CNTN4: variants seen among roughly 807,000 people sequenced by gnomAD.
CNTN4 encodes contactin-4.
CNTN4 carries 77 observed loss-of-function variants against 122.5 expected under a neutral mutation model. That is an observed-to-expected ratio of 0.63 (90% CI 0.52 to 0.76). The LOEUF (loss-of-function observed/expected upper bound fraction) is 0.76, where lower values mean the gene tolerates loss of function less well. CNTN4 is among the 30% of genes least tolerant of loss of function. The pLI is 0.00. For missense variants in CNTN4, 1,256 were observed against 1,259.1 expected (o/e 1.00, Z 0.04); for synonymous variants, 512 against 447.0 (o/e 1.15, Z -1.83).
At chr3:2,548,070 A>G (rs930912399) in intron 3 of CNTN4, among the ~76,000 whole-genome samples, 1 of 152,154 alleles carries the variant, frequency 6.6e-6, no homozygotes, top group South Asian at 2.1e-4. Context: ...CAGATAGATT[A>G]TTAGCCCTTT....
In CNTN4 at chr3:2,777,934, G is replaced by T. The variant is rs558186381; in HGVS notation, c.358+32237G>T. The stretch of plus-strand genomic sequence containing the variant: ...CCTTCCTAAATTTTAAGAAATAACT[G>T]CTGGGTGCGGTGGCTCATGCCTGTA... On this transcript the variant is annotated intron_variant, in intron 6 of 24. Transcript: ENST00000418658. Among the ~76,000 whole-genome samples, 5 of 152,094 alleles carry T rather than the reference G, an allele frequency of 3.3e-5. No individual in the cohort carries two copies. In the South Asian group the frequency reaches 1.0e-3, roughly 32 times the overall value.
intron 23 of CNTN4, among the ~76,000 whole-genome samples, chr3:3,047,930 AAATGATC>A (rs1700842224): frequency 6.6e-6 from 1 of 152,184 alleles, no homozygotes; most frequent in Admixed American, 6.5e-5. Flanking sequence ...ATGCAATAAA[AAATGATC>A]AAGGGGATAT....
chr3:2,274,711 AG>A (rs1162446498), intron 2 of CNTN4, among the ~76,000 whole-genome samples: 1 of 152,126 alleles, frequency 6.6e-6, no homozygotes, highest in African/African-American at 2.4e-5. Flanking sequence ...GAGAAATTTG[AG>A]GAGGGAGGAG....
At chr3:2,623,035 A>G (rs2082048253) in intron 4 of CNTN4, among the ~76,000 whole-genome samples, 1 of 152,242 alleles carries the variant, frequency 6.6e-6, no homozygotes, top group South Asian at 2.1e-4. Context: ...AAAGGGTGAC[A>G]TCAGAAATCC....
In CNTN4 at chr3:2,120,396, T is replaced by A. The variant is rs1050993720; in HGVS notation, c.-145+19757T>A. 2.0e-3 allele frequency among the ~76,000 whole-genome samples: 62 copies of A among 30,918 alleles called. 1 individual carries two copies. The East Asian group carries it at 0.034, about 17-fold the overall frequency. 20.3% of individuals were successfully genotyped at this position (30,918 alleles called of 152,430 possible). A position where few individuals can be genotyped will look rare whatever the true frequency, so the allele number is the denominator to read the frequency against. ...ATAAATATATATATATATATATATA[T>A]ATATATATATTTTTTTTTTTTTTTT... On this transcript the variant is annotated intron_variant, in intron 2 of 24. Coordinates refer to ENST00000418658, the MANE Select transcript of CNTN4 (RefSeq NM_175607.3).
chr3:2,485,054 C>G (rs1174194804), intron 3 of CNTN4, among the ~76,000 whole-genome samples: 5 of 152,208 alleles, frequency 3.3e-5, no homozygotes, highest in Non-Finnish European at 7.4e-5. Context: ...GCACCCTGGC[C>G]AGCAGCTGCA....
intron 3 of CNTN4, among the ~76,000 whole-genome samples, chr3:2,523,370 A>AC (rs1559634779): frequency 2.0e-5 from 3 of 150,326 alleles, no homozygotes; most frequent in African/African-American, 7.3e-5. Flanking sequence ...AAAAAAAAAA[A>AC]AACAAAACTT....
intron 4 of CNTN4, among the ~76,000 whole-genome samples, chr3:2,587,186 T>A (rs1292705296): frequency 6.6e-6 from 1 of 152,190 alleles, no homozygotes; most frequent in Non-Finnish European, 1.5e-5. Flanking sequence ...TCTAACAAAG[T>A]CTTTCCTATA....
intron 2 of CNTN4, among the ~76,000 whole-genome samples, chr3:2,135,391 C>T (rs1041068787): frequency 6.6e-6 from 1 of 152,182 alleles, no homozygotes; most frequent in Non-Finnish European, 1.5e-5. Flanking sequence ...AATTTAACAT[C>T]AGCTTTAAGA....
chr3:2,326,147 G>T (rs963484654), intron 2 of CNTN4, among the ~76,000 whole-genome samples: 1 of 152,170 alleles, frequency 6.6e-6, no homozygotes, highest in Non-Finnish European at 1.5e-5. Flanking sequence ...CCAAATGTGG[G>T]TGGGCCTTAT....
At position 2,347,636 on chromosome 3, in the gene CNTN4, C is replaced by G. The variant is rs190250667; in HGVS notation, c.-89+8403C>G. Among the ~76,000 whole-genome samples, 757 of 151,750 alleles carry G rather than the reference C, an allele frequency of 5.0e-3. 7 individuals carry two copies. The highest frequency in any genetic ancestry group is 0.017 in the African/African-American group (714 of 41,336). ...TGTTGGCCAGGCTGGTCTCAAACTC[C>G]TGACTTCAGGTGATCCACCCACCTC... is the stretch of plus-strand genomic sequence containing the variant. On this transcript the variant is annotated intron_variant, in intron 3 of 24. Coordinates refer to ENST00000418658, the MANE Select transcript of CNTN4 (RefSeq NM_175607.3).
intron 2 of CNTN4, among the ~76,000 whole-genome samples, chr3:2,170,034 A>G (rs9881664): frequency 0.25 from 38,506 of 151,692 alleles, 5,183 homozygotes; most frequent in African/African-American, 0.34. Flanking sequence ...TCAAAAAAGT[A>G]AGGGAGGCCG....
intron 13 of CNTN4, among the ~76,000 whole-genome samples, chr3:2,926,764 A>G (rs192904296): frequency 2.0e-3 from 242 of 120,864 alleles, no homozygotes; most frequent in African/African-American, 7.0e-3. Flanking sequence ...TATGGTTTAT[A>G]AATGGTGTAT....
At chr3:2,166,750 G>C (rs1574980051) in intron 2 of CNTN4, among the ~76,000 whole-genome samples, 2 of 152,132 alleles carry the variant, frequency 1.3e-5, no homozygotes, top group South Asian at 4.1e-4. Flanking sequence ...CCTTGTTCCT[G>C]AAGGGGGAGC....
At chr3:2,607,029 G>C (rs901586229) in intron 4 of CNTN4, among the ~76,000 whole-genome samples, 1 of 152,062 alleles carries the variant, frequency 6.6e-6, no homozygotes, top group East Asian at 1.9e-4. Context: ...CCTATCCCCA[G>C]GTTTTTAGGA....
intron 2 of CNTN4, among the ~76,000 whole-genome samples, chr3:2,286,486 A>G (rs1372792035): frequency 6.6e-6 from 1 of 152,026 alleles, no homozygotes; most frequent in Non-Finnish European, 1.5e-5. Flanking sequence ...TTGTCAAGCT[A>G]TTAAAAACAA....
chr3:2,389,160 C>CA (rs796621979), intron 3 of CNTN4, among the ~76,000 whole-genome samples: 117 of 145,820 alleles, frequency 8.0e-4, no homozygotes, highest in African/African-American at 2.5e-3. Context: ...GACTCCATCT[C>CA]AAAAAAAAAA....
intron 2 of CNTN4, among the ~76,000 whole-genome samples, chr3:2,204,163 A>C (rs530705050): frequency 6.6e-6 from 1 of 152,312 alleles, no homozygotes; most frequent in African/African-American, 2.4e-5. Flanking sequence ...GAATACTTAA[A>C]AATGCAGAGC....
chr3:2,893,295 C>G (rs1169274103), intron 10 of CNTN4, among the ~76,000 whole-genome samples: 1 of 152,158 alleles, frequency 6.6e-6, no homozygotes, highest in African/African-American at 2.4e-5. Flanking sequence ...ACTTAAGCAT[C>G]TTACAGCAGA....
Sources: gnomAD v4.1 joint callset for allele counts (sites outside exome capture counted in the v4.1 genomes callset) on GRCh38, gnomAD v4.1.1 for gene constraint, MANE v1.5 for transcripts, NCBI Gene and HGNC (gene_info 2026-07-23, HGNC 2026-07-21) for gene names.